The following LRRC9 variants were observed in gnomAD, a reference collection of about 807,000 sequenced individuals.
The protein encoded by LRRC9 is leucine-rich repeat-containing protein 9.
A neutral mutation model predicts 63.2 loss-of-function variants in LRRC9; 122 were observed. That is an observed-to-expected ratio of 1.93 (90% CI 1.67 to 2.24). The LOEUF is 2.24. Ranked by LOEUF, LRRC9 falls within the 30% of genes most tolerant of loss-of-function variation. The probability of loss-of-function intolerance (pLI) is 0.00; values close to 1 mark genes in which losing one functional copy is unlikely to be tolerated. For missense variants in LRRC9, 1,071 were observed against 627.7 expected, an observed-to-expected ratio of 1.71 and a Z score of -7.55; for synonymous variants, 366 against 213.1, an observed-to-expected ratio of 1.72 and a Z score of -6.25.
chr14:60,040,987 T>G (rs1158036656), intron 29 of LRRC9, among the ~76,000 whole-genome samples: 1 of 151,964 alleles, frequency 6.6e-6, no homozygotes, highest in Non-Finnish European at 1.5e-5. Context: ...TTTGTTTGTC[T>G]GAAAGGATTT....
chr14:59,996,422 T>C (rs1383385828), intron 17 of LRRC9, among the ~76,000 whole-genome samples: 1 of 152,172 alleles, frequency 6.6e-6, no homozygotes, highest in African/African-American at 2.4e-5. Context: ...ACAATAAGAA[T>C]TATACCTTAT....
intron 23 of LRRC9, among the ~76,000 whole-genome samples, chr14:60,013,300 G>A (rs1366580784): frequency 1.3e-5 from 2 of 152,070 alleles, no homozygotes; most frequent in East Asian, 3.8e-4. Context: ...CATAGGACAG[G>A]CCATCAGGAA....
intron 29 of LRRC9, among the ~76,000 whole-genome samples, chr14:60,041,304 C>G (rs1892923679): frequency 6.6e-6 from 1 of 152,114 alleles, no homozygotes; most frequent in African/African-American, 2.4e-5. Flanking sequence ...TAATGTTTGC[C>G]TGCCTCGCTA....
In LRRC9 at chr14:59,936,446, C is replaced by T. The variant is rs1230966919; in HGVS notation, c.544-1944C>T. ...GGTGATTGAATCAATTCTGTGCCCA[C>T]CTTCCAACCATACCAGGCACCAGAG... On this transcript the variant is annotated intron_variant, in intron 6 of 31. Coordinates refer to ENST00000445360, the Ensembl canonical transcript of LRRC9. This position sits in a 1 kb window ranked among gnomAD's most constrained non-coding sequence, Gnocchi z 4.2. 6.6e-6 allele frequency among the ~76,000 whole-genome samples: 1 copy of T among 152,104 alleles called. No homozygotes were observed. Among genetic ancestry groups the T allele is most frequent in the African/African-American group, 2.4e-5 (1 of 41,414 alleles).
At chr14:60,046,445 T>G (rs114105575) in intron 29 of LRRC9, among the ~76,000 whole-genome samples, 2,677 of 152,336 alleles carry the variant, frequency 0.018, 99 homozygotes, top group African/African-American at 0.062. Context: ...TGTTAACCTC[T>G]GTATAAGGTG....
rs1469590046 is a variant in LRRC9 at position 60,017,121 on chromosome 14, G to A, written c.3317+331G>A. ...CTGGTCTCCAATCATGGGCTCAAGT[G>A]GTTCACCTGCCTCAGTCTCCCAAAG... On this transcript the variant is annotated intron_variant, in intron 24 of 31. Coordinates refer to ENST00000445360, the Ensembl canonical transcript of LRRC9. The surrounding 1 kb of genome is among the most constrained non-coding windows in gnomAD (Gnocchi z 4.0). Among the ~76,000 whole-genome samples the A allele has an allele frequency of 6.6e-6, 1 of 151,956 alleles. No individual in the cohort carries two copies. Among genetic ancestry groups the A allele is most frequent in the African/African-American group, 2.4e-5 (1 of 41,368 alleles).
At chr14:59,987,793 C>T (rs999743636) in intron 17 of LRRC9, among the ~76,000 whole-genome samples, 2 of 152,142 alleles carry the variant, frequency 1.3e-5, no homozygotes, top group African/African-American at 4.8e-5. Flanking sequence ...TATTCTTATT[C>T]TATCATTATT....
At chr14:59,971,806 C>T (rs1885536599) in intron 12 of LRRC9, among the ~76,000 whole-genome samples, 1 of 152,134 alleles carries the variant, frequency 6.6e-6, no homozygotes, top group Admixed American at 6.6e-5. Context: ...CCTGCGACCA[C>T]TTTCAACCCT....
rs147873493 is a variant in LRRC9 at position 59,968,435 on chromosome 14, T to G, written c.1506+1222T>G. Among the ~76,000 whole-genome samples, 1,110 of 152,320 alleles carry G rather than the reference T, an allele frequency of 7.3e-3. 9 individuals carry two copies. The highest frequency in any genetic ancestry group is 0.041 in the Middle Eastern group (12 of 294). On this transcript the variant is annotated intron_variant, in intron 12 of 31. Transcript: ENST00000445360. ...AATGGCTAAAATGGTACATTCTATC[T>G]TATGTATATTTTGCCACAATAAAAA...
chr14:59,970,779 AT>A (rs987172781), intron 12 of LRRC9, among the ~76,000 whole-genome samples: 18 of 150,398 alleles, frequency 1.2e-4, no homozygotes, highest in African/African-American at 3.4e-4. Flanking sequence ...TAATGGGGTG[AT>A]TTTTTTTTGT....
Position 60,042,116 on chromosome 14 carries a change from G to A in LRRC9, c.3990+10053G>A, listed in dbSNP as rs942612578. 5.9e-5 allele frequency among the ~76,000 whole-genome samples: 9 copies of A among 152,140 alleles called. No homozygotes were observed. The highest frequency in any genetic ancestry group is 2.2e-4 in the African/African-American group (9 of 41,420). ...GCTTGATCCTTCCTCTGGAACCTTC[G>A]TCTCAGAGGGGCACCCAGCTGTATG... On this transcript the variant is annotated intron_variant, in intron 29 of 31. Coordinates refer to ENST00000445360, the Ensembl canonical transcript of LRRC9. This position sits in a 1 kb window ranked among gnomAD's most constrained non-coding sequence, Gnocchi z 4.2.
chr14:60,032,433 G>A (rs546826289), intron 29 of LRRC9, among the ~76,000 whole-genome samples: 6 of 151,860 alleles, frequency 4.0e-5, no homozygotes, highest in African/African-American at 1.5e-4. Context: ...TTTCTTCACT[G>A]CCTTGGCTAT....
In LRRC9 at chr14:59,974,571, TGCAGC is replaced by T. The variant is rs1260833464; in HGVS notation, c.1507-4_1507del. The stretch of plus-strand genomic sequence containing the variant: ...AAATACTCAGACTTTGTTTTTTCTT[TGCAGC>T]TGCCTCTCAAAAAAGAAGCCATCAT... On this transcript the variant is annotated splice_acceptor_variant and splice_polypyrimidine_tract_variant and coding_sequence_variant and intron_variant, in exon 13 of 32. Transcript: ENST00000445360. LOFTEE classifies it high-confidence loss of function. The T allele has an allele frequency of 1.6e-6, 1 of 644,790 alleles. No individual in the cohort carries two copies. Among genetic ancestry groups the T allele is most frequent in the Admixed American group, 2.6e-5 (1 of 38,054 alleles). 39.9% of individuals were successfully genotyped at this position (644,790 alleles called of 1,614,324 possible). A position where few individuals can be genotyped will look rare whatever the true frequency, so the allele number is the denominator to read the frequency against.
At chr14:59,931,094 C>T in intron 4 of LRRC9, 36 bp downstream of exon 4, 1 of 344,560 alleles carries the variant, frequency 2.9e-6, no homozygotes, top group African/African-American at 2.1e-5. Flanking sequence ...TATGTAAAGC[C>T]AGTTACTACT....
Position 59,959,947 on chromosome 14 carries a change from C to T in LRRC9, c.1012C>T (p.Gln338Ter). 2 of 698,634 alleles carry T rather than the reference C, an allele frequency of 2.9e-6. No individual in the cohort carries two copies. The highest frequency in any genetic ancestry group is 5.2e-6 in the Non-Finnish European group (2 of 383,626). 43.3% of individuals were successfully genotyped at this position (698,634 alleles called of 1,614,324 possible). ...TGTCACTGAAGAACCAAGTCTTCAA[C>T]AGAAGATATTGGCCAAACTAAATGC... Residue 338 changes from glutamine to a stop codon, truncating the protein, a stop_gained, in exon 9 of 32, where the codon CAG becomes TAG. Transcript: ENST00000445360. LOFTEE classifies it high-confidence loss of function.
intron 29 of LRRC9, among the ~76,000 whole-genome samples, chr14:60,052,777 T>G (rs1339657115): frequency 1.3e-5 from 2 of 152,220 alleles, no homozygotes. Flanking sequence ...TTAAGTGAAC[T>G]TCCATAATAT....
At chr14:60,057,878 C>A (rs147947458) in exon 31 of LRRC9, 19 of 665,564 alleles carry the variant, frequency 2.9e-5, no homozygotes, top group African/African-American at 2.8e-4. Context: ...TATTATGTAG[C>A]TTATTCCTGT....
In LRRC9 at chr14:59,930,002, T is replaced by C. The variant is rs192956075; in HGVS notation, c.268-916T>C. 1.4e-3 allele frequency among the ~76,000 whole-genome samples: 212 copies of C among 152,136 alleles called. 1 individual carries two copies. Among genetic ancestry groups the C allele is most frequent in the Middle Eastern group, 3.4e-3 (1 of 294 alleles). On this transcript the variant is annotated intron_variant, in intron 3 of 31. Transcript: ENST00000445360. The surrounding 1 kb of genome is among the most constrained non-coding windows in gnomAD (Gnocchi z 4.9). ...AATACGTGGGTGATAAAGTAATCTGTACAACAAACCCCCATGACAGAAATT... is the reference window on the plus strand; with the variant it reads ...AATACGTGGGTGATAAAGTAATCTGCACAACAAACCCCCATGACAGAAATT...
exon 12 of LRRC9, chr14:59,967,101 A>C (rs1297545666): frequency 4.7e-6 from 3 of 640,872 alleles, no homozygotes; most frequent in Non-Finnish European, 8.8e-6. Flanking sequence ...TTAAGGAGCT[A>C]CCGAAGGATG....
Sources: gnomAD v4.1 joint callset for allele counts (sites outside exome capture counted in the v4.1 genomes callset) on GRCh38, gnomAD v4.1.1 for gene constraint, Gnocchi (gnomAD v3.1) non-coding constraint, MANE v1.5 for transcripts, NCBI Gene and HGNC (gene_info 2026-07-23, HGNC 2026-07-21) for gene names.